Variants in FHOD3 observed in about 807,000 individuals in gnomAD.
The protein encoded by FHOD3 is formin homology 2 domain containing 3.
In FHOD3, 90 loss-of-function variants were observed where a neutral mutation model predicts 173.0. The observed-to-expected ratio is 0.52, with a 90% CI of 0.44 to 0.62. The LOEUF is 0.62. FHOD3 is among the 20% of genes least tolerant of loss of function. The probability of loss-of-function intolerance (pLI) is 0.00; values close to 1 mark genes in which losing one functional copy is unlikely to be tolerated. For synonymous variants in FHOD3, 828 were observed against 823.0 expected, an observed-to-expected ratio of 1.01 and a Z score of -0.10; for missense variants, 1,945 against 2,034.7, an observed-to-expected ratio of 0.96 and a Z score of 0.85.
intron 3 of FHOD3, among the ~76,000 whole-genome samples, chr18:36,403,961 C>G (rs1182922074): frequency 6.6e-6 from 1 of 152,188 alleles, no homozygotes; most frequent in African/African-American, 2.4e-5. Flanking sequence ...GGGCCTTGCT[C>G]TGTGTGAAGG....
intron 2 of FHOD3, among the ~76,000 whole-genome samples, chr18:36,363,519 C>T (rs1447819408): frequency 2.6e-5 from 4 of 152,136 alleles, no homozygotes; most frequent in Non-Finnish European, 4.4e-5. Flanking sequence ...CTTAAATGCA[C>T]ATTGTGAAGT....
chr18:36,773,628 G>A (rs2043495171), intron 28 of FHOD3, among the ~76,000 whole-genome samples: 1 of 152,170 alleles, frequency 6.6e-6, no homozygotes, highest in South Asian at 2.1e-4. Context: ...TCTATGACAG[G>A]TTCCCGCCAC....
chr18:36,609,874 AG>A (rs1371910320), intron 8 of FHOD3, among the ~76,000 whole-genome samples: 1 of 152,026 alleles, frequency 6.6e-6, no homozygotes, highest in Non-Finnish European at 1.5e-5. Context: ...ACCCCCCAAA[AG>A]TGTTGGAGTT....
intron 20 of FHOD3, among the ~76,000 whole-genome samples, chr18:36,736,856 C>T (rs2041660160): frequency 6.6e-6 from 1 of 152,226 alleles, no homozygotes; most frequent in Non-Finnish European, 1.5e-5. Context: ...AGGCACCCCA[C>T]CCTTTTCTGC....
chr18:36,592,958 A>G (rs555117112), intron 6 of FHOD3, among the ~76,000 whole-genome samples: 6 of 152,324 alleles, frequency 3.9e-5, no homozygotes, highest in African/African-American at 1.4e-4. Context: ...CTTTCAAACC[A>G]GGGCACTGGA....
At chr18:36,310,641 C>T (rs576829772) in intron 1 of FHOD3, among the ~76,000 whole-genome samples, 14 of 147,396 alleles carry the variant, frequency 9.5e-5, no homozygotes, top group Non-Finnish European at 1.8e-4. Flanking sequence ...GAACCGAGAT[C>T]GTGCCACTGC....
intron 1 of FHOD3, among the ~76,000 whole-genome samples, chr18:36,344,279 A>C (rs978543063): frequency 6.6e-6 from 1 of 152,200 alleles, no homozygotes; most frequent in Non-Finnish European, 1.5e-5. Flanking sequence ...AAACAAGGTA[A>C]ATCTAAGTGA....
At chr18:36,353,764 C>A (rs1216106590) in intron 1 of FHOD3, among the ~76,000 whole-genome samples, 1 of 152,164 alleles carries the variant, frequency 6.6e-6, no homozygotes, top group Non-Finnish European at 1.5e-5. Context: ...CTACCTGTAG[C>A]AACCACAAAA....
chr18:36,334,277 A>G (rs534447142), intron 1 of FHOD3, among the ~76,000 whole-genome samples: 6 of 152,374 alleles, frequency 3.9e-5, no homozygotes, highest in African/African-American at 2.4e-5. Flanking sequence ...AATGGGACAT[A>G]CAGAAAAGCC....
At chr18:36,329,091 A>G (rs1471368423) in intron 1 of FHOD3, among the ~76,000 whole-genome samples, 3 of 152,100 alleles carry the variant, frequency 2.0e-5, no homozygotes, top group South Asian at 2.1e-4. Flanking sequence ...CGAATCCCCC[A>G]TGTCTGCTGA....
At chr18:36,641,407 A>G (rs537771363) in intron 10 of FHOD3, among the ~76,000 whole-genome samples, 1 of 152,346 alleles carries the variant, frequency 6.6e-6, no homozygotes, top group East Asian at 1.9e-4. Context: ...ATCCTAGGTC[A>G]GTAGACATGT....
chr18:36,512,037 T>G (rs1022085329), intron 4 of FHOD3, among the ~76,000 whole-genome samples: 2 of 152,234 alleles, frequency 1.3e-5, no homozygotes, highest in Non-Finnish European at 2.9e-5. Flanking sequence ...TTTGAGTTCC[T>G]CACCTGATAG....
intron 14 of FHOD3, among the ~76,000 whole-genome samples, chr18:36,659,747 C>T (rs2149204720): frequency 6.6e-6 from 1 of 152,286 alleles, no homozygotes; most frequent in East Asian, 1.9e-4. Flanking sequence ...GACAGGGGTC[C>T]ATGTGGCCCA....
chr18:36,501,036 T>C (rs1201066448), intron 3 of FHOD3, among the ~76,000 whole-genome samples: 1 of 152,192 alleles, frequency 6.6e-6, no homozygotes, highest in Admixed American at 6.5e-5. Flanking sequence ...AATTGTGGCA[T>C]ACTCATCTGT....
At chr18:36,714,741 C>T (rs117573129) in intron 18 of FHOD3, among the ~76,000 whole-genome samples, 4,095 of 152,262 alleles carry the variant, frequency 0.027, 87 homozygotes, top group Middle Eastern at 0.082. Context: ...CTATTATCCT[C>T]AGATGGCATC....
Position 36,767,667 on chromosome 18 carries a change from T to C in FHOD3, c.4625-1598T>C, listed in dbSNP as rs2043198054. Among the ~76,000 whole-genome samples the C allele has an allele frequency of 2.6e-5, 4 of 152,130 alleles. No individual in the cohort carries two copies. The South Asian group carries it at 8.3e-4, about 32-fold the overall frequency. On this transcript the variant is annotated intron_variant, in intron 27 of 28. Coordinates refer to ENST00000590592, the MANE Select transcript of FHOD3 (RefSeq NM_001281740.3). ...AACATCATTGTTCTATAGCCACAGGTTTTATGTACATGCAGGTGACAGGGC... is the reference window on the plus strand; with the variant it reads ...AACATCATTGTTCTATAGCCACAGGCTTTATGTACATGCAGGTGACAGGGC...
intron 1 of FHOD3, among the ~76,000 whole-genome samples, chr18:36,355,174 T>C (rs1029571743): frequency 1.3e-5 from 2 of 152,194 alleles, no homozygotes; most frequent in African/African-American, 4.8e-5. Flanking sequence ...TTTTAAGCCC[T>C]GTGACTCAAT....
chr18:36,549,291 A>G (rs1459916122), intron 5 of FHOD3, among the ~76,000 whole-genome samples: 1 of 151,972 alleles, frequency 6.6e-6, no homozygotes, highest in Non-Finnish European at 1.5e-5. Context: ...CTTATTTGAT[A>G]TTATTGTTTT....
At chr18:36,504,108 A>G (rs1187523938) in intron 4 of FHOD3, among the ~76,000 whole-genome samples, 3 of 152,110 alleles carry the variant, frequency 2.0e-5, no homozygotes. Context: ...TTTAGTAGAG[A>G]TGGAGTTTCA....
Sources: allele counts gnomAD v4.1 joint callset (sites outside exome capture counted in the v4.1 genomes callset), GRCh38; gene constraint gnomAD v4.1.1; transcripts MANE v1.5; gene names NCBI Gene and HGNC (gene_info 2026-07-23, HGNC 2026-07-21).